The following DCAF5 variants were observed in gnomAD, a reference collection of about 807,000 sequenced individuals.
DCAF5 encodes the protein DDB1- and CUL4-associated factor 5.
In DCAF5, 9 loss-of-function variants were observed where a neutral mutation model predicts 80.7. The observed-to-expected ratio is 0.11, with a 90% CI of 0.07 to 0.19. The LOEUF (loss-of-function observed/expected upper bound fraction) is 0.19. Ranked by LOEUF, DCAF5 falls within the 10% of genes least tolerant of loss-of-function variation. The pLI, the probability that DCAF5 is intolerant of heterozygous loss-of-function variation, is 1.00. For missense variants in DCAF5, 842 were observed against 1,205.7 expected (o/e 0.70, Z 4.47); for synonymous variants, 433 against 461.9 (o/e 0.94, Z 0.80).
At chr14:69,147,027 T>G (rs2041559984) in intron 1 of DCAF5, among the ~76,000 whole-genome samples, 2 of 151,964 alleles carry the variant, frequency 1.3e-5, no homozygotes, top group African/African-American at 4.9e-5. Context: ...CCAAACGACT[T>G]ACCTGCAGAT....
chr14:69,088,556 T>A (rs1795701166), intron 6 of DCAF5, among the ~76,000 whole-genome samples: 1 of 152,220 alleles, frequency 6.6e-6, no homozygotes, highest in Non-Finnish European at 1.5e-5. Flanking sequence ...CTGAAGAATA[T>A]CTGGGTCCAT....
rs539019456 is a variant in DCAF5, at chr14:69,101,911, G to T, written c.666-10024C>A. Among the ~76,000 whole-genome samples the T allele has an allele frequency of 3.9e-5, 6 of 152,234 alleles. No homozygotes were observed. In the East Asian group the frequency reaches 1.2e-3, roughly 29 times the overall value. ...TAAAAAAATGGTACACCTGTATAGG[G>T]TATCCACCATGAATAGCGCTTGCAG... On this transcript the variant is annotated intron_variant, in intron 5 of 8. Transcript: ENST00000341516.
chr14:69,137,478 C>T (rs1177588264), intron 1 of DCAF5, among the ~76,000 whole-genome samples: 1 of 152,158 alleles, frequency 6.6e-6, no homozygotes, highest in Non-Finnish European at 1.5e-5. Flanking sequence ...ACACTGCCTG[C>T]CTGGACTTTT....
chr14:69,101,377 T>C lies in DCAF5; in HGVS notation c.666-9490A>G, dbSNP rs534508517. Among the ~76,000 whole-genome samples the C allele has an allele frequency of 1.4e-3, 214 of 152,362 alleles. 5 individuals are homozygous for C. In the South Asian group the frequency reaches 0.028, roughly 20 times the overall value. The stretch of plus-strand genomic sequence containing the variant: ...CCTGCTGACTATCTTAGGCACTGTG[T>C]CACACACATGGATTCAAAGATGTTA... On this transcript the variant is annotated intron_variant, in intron 5 of 8. Coordinates refer to ENST00000341516, the MANE Select transcript of DCAF5 (RefSeq NM_003861.3).
At chr14:69,136,639 G>A (rs2041205189) in intron 1 of DCAF5, among the ~76,000 whole-genome samples, 3 of 152,012 alleles carry the variant, frequency 2.0e-5, no homozygotes, top group Non-Finnish European at 4.4e-5. Flanking sequence ...TTAGGACAGT[G>A]GTTTTCAACC....
At chr14:69,131,224 T>C (rs1188608925) in intron 1 of DCAF5, among the ~76,000 whole-genome samples, 1 of 152,260 alleles carries the variant, frequency 6.6e-6, no homozygotes, top group Non-Finnish European at 1.5e-5. Flanking sequence ...TTTTACTTAA[T>C]ACCCTTTCAT....
At chr14:69,115,051 C>T (rs763368894) in intron 5 of DCAF5, among the ~76,000 whole-genome samples, 11 of 152,144 alleles carry the variant, frequency 7.2e-5, no homozygotes, top group Non-Finnish European at 2.9e-5. Context: ...TTGTCCAAAT[C>T]CTGCCTTTTG....
chr14:69,145,343 A>T (rs946486754), intron 1 of DCAF5, among the ~76,000 whole-genome samples: 2 of 152,082 alleles, frequency 1.3e-5, no homozygotes, highest in African/African-American at 4.8e-5. Context: ...ATTTAACCTC[A>T]CCTTAAGTAA....
chr14:69,131,303 T>C (rs2041031974), intron 1 of DCAF5, among the ~76,000 whole-genome samples: 1 of 152,176 alleles, frequency 6.6e-6, no homozygotes, highest in South Asian at 2.1e-4. Context: ...TCATTCAGCC[T>C]GGCTTTCTTC....
intron 5 of DCAF5, among the ~76,000 whole-genome samples, chr14:69,101,538 G>T: frequency 6.6e-6 from 1 of 152,172 alleles, no homozygotes; most frequent in East Asian, 1.9e-4. Flanking sequence ...CTAAGCTGAC[G>T]CAACAGAGAG....
At chr14:69,084,363 G>A in intron 6 of DCAF5, 1 of 921,500 alleles carries the variant, frequency 1.1e-6, no homozygotes, top group Non-Finnish European at 1.8e-6. Context: ...AATCTGCAGT[G>A]TCTGGTTATC....
chr14:69,108,008 C>T (rs531618172), intron 5 of DCAF5, among the ~76,000 whole-genome samples: 2 of 152,292 alleles, frequency 1.3e-5, no homozygotes, highest in Admixed American at 6.5e-5. Flanking sequence ...GAAGCAGCTC[C>T]TGGGCACTGG....
chr14:69,110,530 A>G (rs1047067271), intron 5 of DCAF5, among the ~76,000 whole-genome samples: 2 of 152,088 alleles, frequency 1.3e-5, no homozygotes, highest in Admixed American at 1.3e-4. Context: ...GGCCTCCCAC[A>G]GTGCTGGGAT....
At chr14:69,133,093 G>C (rs1006730350) in intron 1 of DCAF5, among the ~76,000 whole-genome samples, 1 of 152,172 alleles carries the variant, frequency 6.6e-6, no homozygotes, top group Admixed American at 6.5e-5. Flanking sequence ...CTCTGGGTCA[G>C]GGACTATCCT....
chr14:69,081,806 T>C (rs2039115745), intron 6 of DCAF5, among the ~76,000 whole-genome samples: 1 of 152,200 alleles, frequency 6.6e-6, no homozygotes, highest in Admixed American at 6.5e-5. Flanking sequence ...CAGGATTTGA[T>C]CTTCTCCAAC....
intron 4 of DCAF5, 85 bp from the exon 5 acceptor site, chr14:69,116,580 C>T (rs2040551314): frequency 7.9e-6 from 12 of 1,521,474 alleles, no homozygotes; most frequent in South Asian, 7.3e-5. Flanking sequence ...GAATACAGGT[C>T]GGAGCACTCT....
At chr14:69,077,761 C>T (rs1420826314) in intron 6 of DCAF5, among the ~76,000 whole-genome samples, 1 of 152,192 alleles carries the variant, frequency 6.6e-6, no homozygotes, top group Non-Finnish European at 1.5e-5. Flanking sequence ...ATACACACAA[C>T]CTCCTGCCTA....
intron 6 of DCAF5, chr14:69,091,196 C>T (rs1279280348): frequency 4.2e-6 from 3 of 706,436 alleles, no homozygotes; most frequent in Non-Finnish European, 7.8e-6. Context: ...CTGGCTCCCT[C>T]TCAAACAAAG....
chr14:69,144,964 A>T (rs558216814), intron 1 of DCAF5, among the ~76,000 whole-genome samples: 2 of 152,352 alleles, frequency 1.3e-5, no homozygotes, highest in African/African-American at 4.8e-5. Flanking sequence ...TGCAGAAAAG[A>T]GAAGATATAA....
Sources: gnomAD v4.1 joint callset for allele counts (sites outside exome capture counted in the v4.1 genomes callset) on GRCh38, gnomAD v4.1.1 for gene constraint, MANE v1.5 for transcripts, NCBI Gene and HGNC (gene_info 2026-07-23, HGNC 2026-07-21) for gene names.